LAMC1: variants seen among roughly 807,000 people sequenced by gnomAD.
LAMC1 encodes laminin subunit gamma 1, also known as laminin subunit gamma-1.
In LAMC1, 38 loss-of-function variants were observed where a neutral mutation model predicts 173.6. That is an observed-to-expected ratio of 0.22 (90% confidence interval 0.17 to 0.29). The LOEUF is 0.29. Ranked by LOEUF, LAMC1 falls within the 10% of genes least tolerant of loss-of-function variation. The pLI, the probability that LAMC1 is intolerant of heterozygous loss-of-function variation, is 1.00. For synonymous variants in LAMC1, 746 were observed against 749.1 expected, an observed-to-expected ratio of 1.00 and a Z score of 0.07; for missense variants, 1,824 against 2,051.8, an observed-to-expected ratio of 0.89 and a Z score of 2.14.
rs774653678 is a variant in LAMC1 at position 183,128,646 on chromosome 1, T to G, written c.3176T>G (p.Leu1059Arg). ...GAATTAGAGAGTCTCATAGCAAACC[T>G]TGGAACTGGGGATGAGATGGTGACA... ...LQELESLIAN[L>R]GTGDEMVTDQ... is the part of the protein sequence containing the mutation. Residue 1059 changes from leucine (L) to arginine (R), a missense_variant, in exon 18 of 28, where the codon CTT becomes CGT. Transcript: ENST00000258341. 6.2e-7 allele frequency: 1 copy of G among 1,613,638 alleles called. No individual in the cohort carries two copies. Among genetic ancestry groups the G allele is most frequent in the South Asian group, 1.1e-5 (1 of 91,036 alleles).
chr1:183,094,815 G>C (rs926878299), intron 1 of LAMC1, among the ~76,000 whole-genome samples: 1 of 152,088 alleles, frequency 6.6e-6, no homozygotes, highest in African/African-American at 2.4e-5. Context: ...AGAATAAAAG[G>C]CACTGTAGCA....
intron 2 of LAMC1, 95 bp from the exon 3 acceptor site, chr1:183,108,176 TAAATG>T: frequency 2.7e-6 from 3 of 1,117,524 alleles, no homozygotes; most frequent in Middle Eastern, 2.0e-4. Flanking sequence ...GGGCGTAAGT[TAAATG>T]ATAATAAGTT....
At chr1:183,106,914 G>A (rs1013917048) in intron 2 of LAMC1, among the ~76,000 whole-genome samples, 5 of 152,022 alleles carry the variant, frequency 3.3e-5, no homozygotes, top group South Asian at 2.1e-4. Flanking sequence ...ATGTACCCTC[G>A]GCTGAAACCA....
rs765782570 is a variant in LAMC1, at chr1:183,122,231, A to G, written c.2381A>G (p.Asn794Ser). The change falls in exon 13 of 28, where the codon AAC becomes AGC. Residue 794 changes from asparagine to serine, a missense_variant. Physicochemically the swap from Asn to Ser is conservative, Grantham distance 46 (BLOSUM62 1). Coordinates refer to ENST00000258341, the MANE Select transcript of LAMC1 (RefSeq NM_002293.4). The stretch of plus-strand genomic sequence containing the variant: ...AAGACAAAGGAGGTGGTGTGCACCA[A>G]CTGTCCTACTGGCACCACTGGTAAG... ...VPKTKEVVCT[N>S]CPTGTTGKRC... 1.2e-4 allele frequency: 195 copies of G among 1,613,938 alleles called. No individual in the cohort carries two copies. Among genetic ancestry groups the G allele is most frequent in the Non-Finnish European group, 1.5e-4 (180 of 1,179,990 alleles).
chr1:183,129,438 C>G (rs1346190409), intron 18 of LAMC1, among the ~76,000 whole-genome samples: 5 of 152,146 alleles, frequency 3.3e-5, no homozygotes, highest in Non-Finnish European at 5.9e-5. Flanking sequence ...AGCAGGACCA[C>G]CATATATAGT....
At chr1:183,079,409 T>C (rs1655210286) in intron 1 of LAMC1, among the ~76,000 whole-genome samples, 1 of 151,806 alleles carries the variant, frequency 6.6e-6, no homozygotes, top group African/African-American at 2.4e-5. Flanking sequence ...CACATGCCAC[T>C]ACACCCAGCT....
chr1:183,123,537 C>T (rs1656539194), intron 13 of LAMC1, among the ~76,000 whole-genome samples: 1 of 152,170 alleles, frequency 6.6e-6, no homozygotes, highest in Non-Finnish European at 1.5e-5. Context: ...ACTTTCTTCC[C>T]TTGGATATTA....
At chr1:183,083,910 G>GT (rs1182732494) in intron 1 of LAMC1, among the ~76,000 whole-genome samples, 3 of 151,970 alleles carry the variant, frequency 2.0e-5, no homozygotes, top group East Asian at 1.9e-4. Flanking sequence ...TTAAATTTGC[G>GT]TAAGATTGCT....
chr1:183,052,220 C>T (rs1411334753), intron 1 of LAMC1, among the ~76,000 whole-genome samples: 1 of 152,114 alleles, frequency 6.6e-6, no homozygotes, highest in East Asian at 1.9e-4. Context: ...CTTTTTCTTT[C>T]TGTTCTGTCT....
chr1:183,132,729 C>G (rs1194826287), intron 21 of LAMC1, among the ~76,000 whole-genome samples, 192 bp downstream of exon 21: 1 of 151,868 alleles, frequency 6.6e-6, no homozygotes, highest in Non-Finnish European at 1.5e-5. Flanking sequence ...TGGTTTGATT[C>G]AATTACTGTA....
At chr1:183,131,426 G>GTGTGT (rs199773324) in intron 20 of LAMC1, 48 bp downstream of exon 20, 15 of 906,574 alleles carry the variant, frequency 1.7e-5, no homozygotes, top group Middle Eastern at 2.2e-4. Flanking sequence ...CTTCTGTTAT[G>GTGTGT]GGGTGTGTGT....
At chr1:183,026,413 C>A (rs565353669) in intron 1 of LAMC1, among the ~76,000 whole-genome samples, 19 of 152,128 alleles carry the variant, frequency 1.2e-4, no homozygotes, top group African/African-American at 2.2e-4. Context: ...TCCTCCCCCC[C>A]CCTTTAATGA....
At chr1:183,076,587 C>T (rs1176462155) in intron 1 of LAMC1, among the ~76,000 whole-genome samples, 3 of 152,186 alleles carry the variant, frequency 2.0e-5, no homozygotes, top group African/African-American at 7.2e-5. Flanking sequence ...ATTTTCTCTT[C>T]CCTAGTTCTT....
In LAMC1 at chr1:183,029,751, C is replaced by G. The variant is rs143860562; in HGVS notation, c.418+5617C>G. Among the ~76,000 whole-genome samples, 32 of 152,302 alleles carry G rather than the reference C, an allele frequency of 2.1e-4. 1 individual carries two copies. In the East Asian group the frequency reaches 4.8e-3, roughly 23 times the overall value. On this transcript the variant is annotated intron_variant, in intron 1 of 27. Coordinates refer to ENST00000258341, the MANE Select transcript of LAMC1 (RefSeq NM_002293.4). ...TATCTGTTTCTTTACTTGTCTGTTT[C>G]TACCTTTAAACCATGAAGTTTTTGA...
intron 1 of LAMC1, among the ~76,000 whole-genome samples, chr1:183,078,172 T>C (rs1023675278): frequency 6.6e-6 from 1 of 152,172 alleles, no homozygotes; most frequent in African/African-American, 2.4e-5. Context: ...TGGAAAGATA[T>C]TTATCACATT....
Position 183,117,306 on chromosome 1 carries a change from T to A in LAMC1, c.1565-14T>A. ...ACAGTGTAAAGTGCTTGTGTTTTCCTTCTCTACCTGCAGATGAGGATGGGT... is the reference window on the plus strand; with the variant it reads ...ACAGTGTAAAGTGCTTGTGTTTTCCATCTCTACCTGCAGATGAGGATGGGT... On this transcript the variant is annotated splice_polypyrimidine_tract_variant and intron_variant, in intron 8 of 27. Transcript: ENST00000258341. The A allele has an allele frequency of 6.3e-7, 1 of 1,597,530 alleles. No individual in the cohort carries two copies. Among genetic ancestry groups the A allele is most frequent in the Non-Finnish European group, 8.6e-7 (1 of 1,167,288 alleles).
At chr1:183,061,899 A>C (rs1241933300) in intron 1 of LAMC1, among the ~76,000 whole-genome samples, 1 of 152,250 alleles carries the variant, frequency 6.6e-6, no homozygotes, top group Non-Finnish European at 1.5e-5. Context: ...TAAGGCAATT[A>C]AGACTTTGGG....
chr1:183,033,776 C>G (rs2102009020), intron 1 of LAMC1, among the ~76,000 whole-genome samples: 1 of 152,256 alleles, frequency 6.6e-6, no homozygotes, highest in East Asian at 1.9e-4. Flanking sequence ...ACTGCAACCT[C>G]CACCTCCCAG....
Position 183,103,415 on chromosome 1 carries a change from A to T in LAMC1, c.506A>T (p.Asp169Val), listed in dbSNP as rs1655884877. 1 of 1,614,178 alleles carries T rather than the reference A, an allele frequency of 6.2e-7. No individual in the cohort carries two copies. Among genetic ancestry groups the T allele is most frequent in the East Asian group, 2.2e-5 (1 of 44,882 alleles). ...GCCATTTACAAGCGCACACGGGAAGACGGGCCCTGGATTCCTTACCAGTAC... is the reference window on the plus strand; with the variant it reads ...GCCATTTACAAGCGCACACGGGAAGTCGGGCCCTGGATTCCTTACCAGTAC... ...SFAIYKRTREDGPWIPYQYYS... is the reference protein window; with the variant it reads ...SFAIYKRTREVGPWIPYQYYS... The change falls in exon 2 of 28, where the codon GAC becomes GTC. Residue 169 changes from aspartate to valine, a missense_variant. Transcript: ENST00000258341.
Sources: gnomAD v4.1 joint callset for allele counts (sites outside exome capture counted in the v4.1 genomes callset) on GRCh38, gnomAD v4.1.1 for gene constraint, MANE v1.5 for transcripts, NCBI Gene and HGNC (gene_info 2026-07-23, HGNC 2026-07-21) for gene names.